The following PRUNE2 variants were observed in gnomAD, a reference collection of about 807,000 sequenced individuals.
PRUNE2 encodes protein prune homolog 2.
Under a neutral mutation model 252.0 loss-of-function variants are expected in PRUNE2, and 164 were observed. The ratio of observed to expected loss-of-function variants is 0.65; its 90% CI spans 0.57 to 0.74. The LOEUF is 0.74. Among genes scored for constraint, PRUNE2 ranks in the 30% least tolerant of loss-of-function variants. The probability of loss-of-function intolerance (pLI) is 0.00; values close to 1 mark genes in which losing one functional copy is unlikely to be tolerated. For missense variants in PRUNE2, 3,495 were observed against 3,711.0 expected, an observed-to-expected ratio of 0.94 and a Z score of 1.51; for synonymous variants, 1,292 against 1,350.2, an observed-to-expected ratio of 0.96 and a Z score of 0.94.
rs775426004 is a variant in PRUNE2, at chr9:76,644,897, T to C, written c.8570A>G (p.Asn2857Ser). 3 of 1,613,482 alleles carry C rather than the reference T, an allele frequency of 1.9e-6. No homozygotes were observed. Among genetic ancestry groups the C allele is most frequent in the Non-Finnish European group, 2.5e-6 (3 of 1,179,658 alleles). The change falls in exon 12 of 19, where the codon AAC becomes AGC. Residue 2857 changes from asparagine to serine, a missense_variant. Physicochemically the swap from Asn to Ser is conservative, Grantham distance 46. Coordinates refer to ENST00000376718, the MANE Select transcript of PRUNE2 (RefSeq NM_015225.3). ...CTCTGACTCTTGGCCAGAATCTTTG[T>C]TGGCTGTGGGATCTTCTGGAAACAA... ...FEYTGHDPTANKDSGQESESI... is the reference protein window; with the variant it reads ...FEYTGHDPTASKDSGQESESI...
At position 76,906,061 on chromosome 9, in the gene PRUNE2, G is replaced by C; in HGVS notation, c.-98C>G. ...CGGGGTCCCGGGAAAGTGGCCCGCCGGGGCGCAGCGACCGACTGCTCCCTC... is the reference window on the plus strand; with the variant it reads ...CGGGGTCCCGGGAAAGTGGCCCGCCCGGGCGCAGCGACCGACTGCTCCCTC... On this transcript the variant is annotated 5_prime_UTR_variant, in exon 1 of 19. Coordinates refer to ENST00000376718, the MANE Select transcript of PRUNE2 (RefSeq NM_015225.3). 7.4e-7 allele frequency: 1 copy of C among 1,344,590 alleles called. No homozygotes were observed. The highest frequency in any genetic ancestry group is 1.1e-6 in the Non-Finnish European group (1 of 939,846). The allele number at this position is 1,344,590 out of a possible 1,614,324, so 83.3% of individuals were successfully genotyped here.
chr9:76,875,248 A>C (rs185440346), intron 1 of PRUNE2, among the ~76,000 whole-genome samples: 1,563 of 152,096 alleles, frequency 0.01, 15 homozygotes, highest in Non-Finnish European at 0.017. Flanking sequence ...TGACCTCCCC[A>C]CCCATACCAC....
At chr9:76,794,327 C>T (rs1050765097) in intron 6 of PRUNE2, among the ~76,000 whole-genome samples, 15 of 152,126 alleles carry the variant, frequency 9.9e-5, no homozygotes, top group African/African-American at 3.1e-4. Context: ...GCAAAGAGCG[C>T]GGCCTCCGAG....
intron 9 of PRUNE2, among the ~76,000 whole-genome samples, chr9:76,686,400 C>T (rs906824297): frequency 2.0e-5 from 3 of 152,216 alleles, no homozygotes; most frequent in African/African-American, 7.2e-5. Flanking sequence ...AGACACTCAT[C>T]ATAGGAAATC....
At chr9:76,668,875 A>C (rs1390187374) in intron 9 of PRUNE2, among the ~76,000 whole-genome samples, 1 of 149,550 alleles carries the variant, frequency 6.7e-6, no homozygotes, top group Non-Finnish European at 1.5e-5. Context: ...TTACTCGCTC[A>C]CAATTCTGGA....
intron 1 of PRUNE2, among the ~76,000 whole-genome samples, chr9:76,867,623 C>T (rs1428339888): frequency 1.3e-5 from 2 of 152,180 alleles, no homozygotes; most frequent in East Asian, 1.9e-4. Context: ...GGCTGGAGCG[C>T]GGTGGCACAA....
chr9:76,819,785 C>A (rs1009446686), intron 6 of PRUNE2, among the ~76,000 whole-genome samples: 5 of 152,178 alleles, frequency 3.3e-5, no homozygotes, highest in Non-Finnish European at 7.3e-5. Flanking sequence ...CATTAATGTA[C>A]TGCCGTGAGC....
chr9:76,706,320 G>C lies in PRUNE2; in HGVS notation c.5954C>G (p.Ser1985Cys), dbSNP rs1338551240. ...THAEENSCVT[S>C]NVSTNEGQET... ...TTGACCTTCATTAGTTGAAACATTA[G>C]ATGTAACACAACTATTTTCCTCTGC... The change falls in exon 8 of 19, where the codon TCT becomes TGT. Residue 1985 changes from serine (S) to cysteine (C), a missense_variant. Ser to Cys is a moderately radical substitution (Grantham distance 112, BLOSUM62 -1). Coordinates refer to ENST00000376718, the MANE Select transcript of PRUNE2 (RefSeq NM_015225.3). The C allele has an allele frequency of 1.2e-6, 2 of 1,613,880 alleles. No individual in the cohort carries two copies. Among genetic ancestry groups the C allele is most frequent in the Admixed American group, 3.3e-5 (2 of 60,022 alleles).
Position 76,705,879 on chromosome 9 carries a change from C to T in PRUNE2, c.6395G>A (p.Ser2132Asn). 1 of 1,613,820 alleles carries T rather than the reference C, an allele frequency of 6.2e-7. No individual in the cohort carries two copies. Among genetic ancestry groups the T allele is most frequent in the Non-Finnish European group, 8.5e-7 (1 of 1,179,884 alleles). ...CTCTGGCTCAGTGAGACAAAGCTCACTGGATTCCACTTCAGGTCCCATGCA... is the reference window on the plus strand; with the variant it reads ...CTCTGGCTCAGTGAGACAAAGCTCATTGGATTCCACTTCAGGTCCCATGCA... Reference protein sequence around the residue: ...SACMGPEVESSELCLTEPEID... With the variant: ...SACMGPEVESNELCLTEPEID... The change falls in exon 8 of 19, where the codon AGT becomes AAT. Residue 2132 changes from serine (S) to asparagine (N), a missense_variant. By Grantham distance (46) the Ser-to-Asn change is conservative. Coordinates refer to ENST00000376718, the MANE Select transcript of PRUNE2 (RefSeq NM_015225.3).
At chr9:76,624,323 A>G in intron 17 of PRUNE2, 129 bp downstream of exon 17, 1 of 529,886 alleles carries the variant, frequency 1.9e-6, no homozygotes, top group Non-Finnish European at 3.1e-6. Context: ...ATCATAGGAG[A>G]AAGAGAATTT....
chr9:76,775,812 G>A (rs1211802351), intron 6 of PRUNE2, among the ~76,000 whole-genome samples: 2 of 152,282 alleles, frequency 1.3e-5, no homozygotes, highest in South Asian at 2.1e-4. Flanking sequence ...CCTTCATGCC[G>A]GCTATGCAGG....
At position 76,854,165 on chromosome 9, in the gene PRUNE2, G is replaced by A. The variant is rs1345974280; in HGVS notation, c.80C>T (p.Pro27Leu). 6.2e-7 allele frequency: 1 copy of A among 1,605,522 alleles called. No homozygotes were observed. The highest frequency in any genetic ancestry group is 2.2e-5 in the East Asian group (1 of 44,674). The change falls in exon 2 of 19, where the codon CCT (proline) becomes CTT (leucine). Residue 27 changes from proline (P) to leucine (L), a missense_variant. Physicochemically the swap from Pro to Leu is moderately conservative, Grantham distance 98. Transcript: ENST00000376718. ...GAGAGAATCCAAGTCACACGATTTA[G>A]GCCCAATAACCACATGGACCTTCTC... is the stretch of plus-strand genomic sequence containing the variant. The part of the protein sequence containing the change: ...RLEKVHVVIG[P>L]KSCDLDSLIS...
intron 4 of PRUNE2, among the ~76,000 whole-genome samples, chr9:76,842,410 T>C (rs1206449691): frequency 6.6e-6 from 1 of 152,160 alleles, no homozygotes; most frequent in African/African-American, 2.4e-5. Flanking sequence ...GGCAATATCA[T>C]TCAGGACACA....
chr9:76,705,116 C>T lies in PRUNE2; in HGVS notation c.7158G>A (p.Lys2386=). The T allele has an allele frequency of 1.2e-6, 2 of 1,613,988 alleles. No individual in the cohort carries two copies. The highest frequency in any genetic ancestry group is 1.7e-6 in the Non-Finnish European group (2 of 1,179,900). ...GAGGTGTGTACGGTGCCAGCGACTG[C>T]TTCAGAGAATCTTCCTCCAAAGGAG... ...GDPPLEEDSL[K]QSLAPYTPPF... The change falls in exon 8 of 19, where the codon AAG becomes AAA. Residue 2386 remains lysine, a synonymous_variant. Coordinates refer to ENST00000376718, the MANE Select transcript of PRUNE2 (RefSeq NM_015225.3).
At chr9:76,619,318 G>C (rs1176809504) in intron 18 of PRUNE2, 22 bp downstream of exon 18, 1 of 1,537,042 alleles carries the variant, frequency 6.5e-7, no homozygotes, top group South Asian at 1.1e-5. Flanking sequence ...CCACATAGCT[G>C]TTATTGATGG....
At chr9:76,888,487 G>A (rs1184440703) in intron 1 of PRUNE2, among the ~76,000 whole-genome samples, 1 of 151,982 alleles carries the variant, frequency 6.6e-6, no homozygotes, top group Non-Finnish European at 1.5e-5. Flanking sequence ...TGAGGCAGGA[G>A]AATTGCTTGA....
intron 11 of PRUNE2, among the ~76,000 whole-genome samples, chr9:76,646,751 C>G (rs1368375824): frequency 6.6e-6 from 1 of 152,200 alleles, no homozygotes; most frequent in Non-Finnish European, 1.5e-5. Flanking sequence ...TCCTTTCCCT[C>G]TAGTGAACTT....
intron 16 of PRUNE2, among the ~76,000 whole-genome samples, chr9:76,627,249 T>C (rs950559789): frequency 7.1e-6 from 1 of 141,348 alleles, no homozygotes; most frequent in Non-Finnish European, 1.5e-5. Context: ...TACAGGTGCA[T>C]GCTACCACAC....
At chr9:76,745,861 C>T (rs1013833927) in intron 6 of PRUNE2, among the ~76,000 whole-genome samples, 1 of 152,222 alleles carries the variant, frequency 6.6e-6, no homozygotes, top group Non-Finnish European at 1.5e-5. Context: ...TCATCCCTCT[C>T]TCCGACCACA....
Sources: allele counts gnomAD v4.1 joint callset (sites outside exome capture counted in the v4.1 genomes callset), GRCh38; gene constraint gnomAD v4.1.1; transcripts MANE v1.5; gene names NCBI Gene and HGNC (gene_info 2026-07-23, HGNC 2026-07-21).